The following TMTC2 variants were observed in gnomAD, a reference collection of about 807,000 sequenced individuals.
The protein encoded by TMTC2 is protein O-mannosyl-transferase TMTC2.
TMTC2 carries 43 observed loss-of-function variants against 82.4 expected under a neutral mutation model. That is an observed-to-expected ratio of 0.52 (90% CI 0.41 to 0.67). The LOEUF is 0.67. Among genes scored for constraint, TMTC2 ranks in the 30% least tolerant of loss-of-function variants. The pLI is 0.00. For synonymous variants in TMTC2, 408 were observed against 381.9 expected (o/e 1.07, Z -0.80); for missense variants, 919 against 1,012.4 (o/e 0.91, Z 1.25).
intron 2 of TMTC2, 69 bp downstream of exon 2, chr12:82,857,649 T>G: frequency 7.0e-7 from 1 of 1,428,214 alleles, no homozygotes; most frequent in Middle Eastern, 1.8e-4. Context: ...TTGCCACCAT[T>G]TAAAAAGCAA....
intron 4 of TMTC2, among the ~76,000 whole-genome samples, chr12:82,947,609 C>T (rs923559676): frequency 6.6e-6 from 1 of 152,072 alleles, no homozygotes; most frequent in South Asian, 2.1e-4. Context: ...GGATTACAGG[C>T]GTGAGCCACC....
intron 2 of TMTC2, among the ~76,000 whole-genome samples, chr12:82,861,091 A>C (rs1036616717): frequency 2.6e-5 from 4 of 152,308 alleles, no homozygotes; most frequent in Middle Eastern, 3.4e-3. Flanking sequence ...GATGAGATAA[A>C]CTTCCTTGCT....
intron 9 of TMTC2, among the ~76,000 whole-genome samples, chr12:83,032,884 T>C (rs540782710): frequency 2.9e-4 from 44 of 152,250 alleles, no homozygotes; most frequent in Admixed American, 1.1e-3. Flanking sequence ...TTTTGTGTGG[T>C]ATTTGGAAAG....
intron 8 of TMTC2, among the ~76,000 whole-genome samples, chr12:82,999,222 T>G (rs748097252): frequency 3.4e-4 from 52 of 152,216 alleles, no homozygotes; most frequent in Non-Finnish European, 5.6e-4. Flanking sequence ...CTTGACAATT[T>G]TGAGGAGTAA....
intron 11 of TMTC2, among the ~76,000 whole-genome samples, chr12:83,097,582 G>C (rs1884072372): frequency 6.6e-6 from 1 of 152,146 alleles, no homozygotes. Flanking sequence ...AAAAAAGTAA[G>C]TACAGTCCCT....
At chr12:82,798,001 G>A (rs1408138633) in intron 1 of TMTC2, among the ~76,000 whole-genome samples, 2 of 143,994 alleles carry the variant, frequency 1.4e-5, no homozygotes, top group African/African-American at 2.6e-5. Context: ...GCAGTGGCGC[G>A]ATCTCGGCTC....
At chr12:83,111,032 TCTTCCAGTCTTATAAACCAA>T (rs1477009351) in intron 11 of TMTC2, among the ~76,000 whole-genome samples, 2 of 152,224 alleles carry the variant, frequency 1.3e-5, no homozygotes, top group African/African-American at 4.8e-5. Context: ...ATGGCTTCAT[TCTTCCAGTCTTATAAACCAA>T]CTTCCACTGC....
chr12:82,762,365 C>T (rs1288479617), intron 1 of TMTC2, among the ~76,000 whole-genome samples: 2 of 152,144 alleles, frequency 1.3e-5, no homozygotes, highest in Admixed American at 1.3e-4. Flanking sequence ...CTCCAATGCT[C>T]GTGCAGTTCT....
In TMTC2 at chr12:82,930,522, C is replaced by T. The variant is rs140502190; in HGVS notation, c.1575C>T (p.Asn525=). Residue 525 remains asparagine, a synonymous_variant, in exon 4 of 12, where the codon AAC becomes AAT. Coordinates refer to ENST00000321196, the MANE Select transcript of TMTC2 (RefSeq NM_152588.3). Reference sequence around the variant, plus strand: ...GAAATGCTTTGTACTACCGCAGCAACATGGCTGACATGCTTTATAATTTGT... The same window carrying T: ...GAAATGCTTTGTACTACCGCAGCAATATGGCTGACATGCTTTATAATTTGT... ...AYRNALYYRS[N]MADMLYNLGL... 148 of 1,590,790 alleles carry T rather than the reference C, an allele frequency of 9.3e-5. No individual in the cohort carries two copies. The African/African-American group carries it at 1.8e-3, about 19-fold the overall frequency.
chr12:82,825,700 T>A (rs1415772094), intron 1 of TMTC2, among the ~76,000 whole-genome samples: 2 of 152,176 alleles, frequency 1.3e-5, no homozygotes, highest in Non-Finnish European at 2.9e-5. Flanking sequence ...ACATAATTAT[T>A]GAAATAATCA....
intron 1 of TMTC2, among the ~76,000 whole-genome samples, chr12:82,855,328 GT>G (rs916926919): frequency 2.0e-5 from 3 of 152,102 alleles, no homozygotes; most frequent in African/African-American, 7.2e-5. Flanking sequence ...ACTCAGGAAC[GT>G]TTTCCCTGAA....
At chr12:82,891,215 C>T (rs1424599386) in intron 2 of TMTC2, among the ~76,000 whole-genome samples, 1 of 152,126 alleles carries the variant, frequency 6.6e-6, no homozygotes, top group Non-Finnish European at 1.5e-5. Context: ...TTTCTTTTAT[C>T]TTGTTTTAAG....
rs554934355 is a variant in TMTC2 at position 83,113,009 on chromosome 12, T to G, written c.2332-19201T>G. Among the ~76,000 whole-genome samples, 29 of 152,334 alleles carry G rather than the reference T, an allele frequency of 1.9e-4. 1 individual carries two copies. The South Asian group carries it at 5.8e-3, about 30-fold the overall frequency. ...AATCATTGGGTTTGAAATAATTTAC[T>G]TTGTTCTGCCTTCTTTTTCAAGTTT... On this transcript the variant is annotated intron_variant, in intron 11 of 11. Coordinates refer to ENST00000321196, the MANE Select transcript of TMTC2 (RefSeq NM_152588.3).
intron 11 of TMTC2, among the ~76,000 whole-genome samples, chr12:83,112,216 T>C (rs968049870): frequency 6.6e-6 from 1 of 152,190 alleles, no homozygotes; most frequent in Non-Finnish European, 1.5e-5. Flanking sequence ...TTATTTATTC[T>C]ATAGTAAGAG....
At chr12:82,899,564 A>G (rs1018870115) in intron 3 of TMTC2, among the ~76,000 whole-genome samples, 1 of 133,864 alleles carries the variant, frequency 7.5e-6, no homozygotes, top group Admixed American at 7.5e-5. Context: ...AAGAATATAT[A>G]TATATGTGGA....
At chr12:82,794,730 G>C (rs1472781970) in intron 1 of TMTC2, among the ~76,000 whole-genome samples, 2 of 152,056 alleles carry the variant, frequency 1.3e-5, no homozygotes, top group Non-Finnish European at 2.9e-5. Flanking sequence ...TGAACCCGGA[G>C]AGACATGCCT....
rs748428422 is a variant in TMTC2, at chr12:82,741,091, A to AT, written c.83+53426dup. ...TAGTGATACCCACTTTGAAATTTGC[A>AT]TTTTGGTTTGCACTTCCCTGTGAGT... is the stretch of plus-strand genomic sequence containing the variant. On this transcript the variant is annotated intron_variant, in intron 1 of 11. Coordinates refer to ENST00000321196, the MANE Select transcript of TMTC2 (RefSeq NM_152588.3). 3.9e-5 allele frequency among the ~76,000 whole-genome samples: 6 copies of AT among 152,242 alleles called. No homozygotes were observed. In the South Asian group the frequency reaches 6.2e-4, roughly 16 times the overall value.
chr12:83,053,809 C>T (rs1327834235), intron 10 of TMTC2, among the ~76,000 whole-genome samples: 2 of 152,002 alleles, frequency 1.3e-5, no homozygotes, highest in Non-Finnish European at 2.9e-5. Context: ...AAATAAAGGG[C>T]CTCAGTGAAG....
At chr12:82,874,422 A>G (rs1350764643) in intron 2 of TMTC2, among the ~76,000 whole-genome samples, 1 of 152,208 alleles carries the variant, frequency 6.6e-6, no homozygotes, top group East Asian at 1.9e-4. Context: ...TTTTTGGGTA[A>G]AATCATAATT....
Sources: gnomAD v4.1 joint callset for allele counts (sites outside exome capture counted in the v4.1 genomes callset) on GRCh38, gnomAD v4.1.1 for gene constraint, MANE v1.5 for transcripts, NCBI Gene and HGNC (gene_info 2026-07-23, HGNC 2026-07-21) for gene names.